The following CNGA1 variants were observed in gnomAD, a reference collection of about 807,000 sequenced individuals.
The protein encoded by CNGA1 is cyclic nucleotide gated channel subunit alpha 1, also known as cyclic nucleotide-gated channel alpha-1.
In CNGA1, 53 loss-of-function variants were observed where a neutral mutation model predicts 69.7. The observed-to-expected ratio is 0.76, with a 90% CI of 0.61 to 0.96. The LOEUF (loss-of-function observed/expected upper bound fraction) is 0.96. CNGA1 is among the 40% of genes least tolerant of loss of function. The probability of loss-of-function intolerance (pLI) is 0.00; values close to 1 mark genes in which losing one functional copy is unlikely to be tolerated. For synonymous variants in CNGA1, 249 were observed against 283.5 expected (o/e 0.88, Z 1.22); for missense variants, 739 against 811.2 (o/e 0.91, Z 1.08).
chr4:47,953,621 C>T lies in CNGA1; in HGVS notation c.-14-918G>A, dbSNP rs573932389. Among the ~76,000 whole-genome samples, 35 of 152,366 alleles carry T rather than the reference C, an allele frequency of 2.3e-4. No individual in the cohort carries two copies. The South Asian group carries it at 7.2e-3, about 32-fold the overall frequency. ...CTCTAGTCAGGACATATTATTTCCTCAGCTCAGGTAGAGGAGGCAGGGTGG... is the reference window on the plus strand; with the variant it reads ...CTCTAGTCAGGACATATTATTTCCTTAGCTCAGGTAGAGGAGGCAGGGTGG... On this transcript the variant is annotated intron_variant, in intron 3 of 10. Transcript: ENST00000514170.
Position 47,937,498 on chromosome 4 carries a change from C to T in CNGA1, c.984G>A (p.Trp328Ter), listed in dbSNP as rs1738744697. The change falls in exon 11 of 11, where the codon TGG becomes TGA. Residue 328 changes from tryptophan to a stop codon, truncating the protein, a stop_gained. Transcript: ENST00000514170. LOFTEE classifies it high-confidence loss of function. The stretch of plus-strand genomic sequence containing the variant: ...CAGGATCATTAATATCAGGGTAGAC[C>T]CATGTATCATTTCCAAATCCAATAG... ...SKAIGFGNDT[W>*]VYPDINDPEF... 1 of 1,614,072 alleles carries T rather than the reference C, an allele frequency of 6.2e-7. No homozygotes were observed. Among genetic ancestry groups the T allele is most frequent in the Non-Finnish European group, 8.5e-7 (1 of 1,180,000 alleles).
intron 2 of CNGA1, among the ~76,000 whole-genome samples, chr4:47,999,908 G>A (rs1714586257): frequency 6.6e-6 from 1 of 151,698 alleles, no homozygotes; most frequent in Non-Finnish European, 1.5e-5. Flanking sequence ...AGCAAACAAG[G>A]ACATTAAAAT....
At chr4:47,940,920 T>C in intron 9 of CNGA1, 51 bp from the exon 10 acceptor site, 1 of 1,166,040 alleles carries the variant, frequency 8.6e-7, no homozygotes, top group Non-Finnish European at 1.3e-6. Context: ...GGGGCCAATT[T>C]AAGTAAAAGT....
intron 3 of CNGA1, among the ~76,000 whole-genome samples, chr4:47,979,283 T>C (rs1447354679): frequency 2.2e-5 from 3 of 138,168 alleles, no homozygotes; most frequent in Admixed American, 8.1e-5. Context: ...ATCGCACCAG[T>C]GCACTTCAGC....
At chr4:48,006,785 C>T (rs1714938801) in intron 2 of CNGA1, among the ~76,000 whole-genome samples, 1 of 152,004 alleles carries the variant, frequency 6.6e-6, no homozygotes, top group Non-Finnish European at 1.5e-5. Context: ...CCATGCCCAG[C>T]TAATTTTTGT....
chr4:47,970,085 T>C (rs1400399116), intron 3 of CNGA1, among the ~76,000 whole-genome samples: 1 of 152,172 alleles, frequency 6.6e-6, no homozygotes, highest in Non-Finnish European at 1.5e-5. Flanking sequence ...AAAGAGACTA[T>C]TTACAAAGAT....
chr4:47,969,052 T>C (rs1233006584), intron 3 of CNGA1, among the ~76,000 whole-genome samples: 2 of 152,138 alleles, frequency 1.3e-5, no homozygotes, highest in African/African-American at 4.8e-5. Flanking sequence ...CATCATCCCA[T>C]GTTTACTTTA....
At chr4:48,007,437 T>C (rs1714972231) in intron 2 of CNGA1, among the ~76,000 whole-genome samples, 1 of 152,194 alleles carries the variant, frequency 6.6e-6, no homozygotes, top group South Asian at 2.1e-4. Flanking sequence ...TTTGAGGCGT[T>C]GAATGGCTTT....
intron 6 of CNGA1, among the ~76,000 whole-genome samples, chr4:47,947,017 C>T (rs1171973171): frequency 2.0e-5 from 3 of 152,138 alleles, no homozygotes; most frequent in African/African-American, 7.2e-5. Flanking sequence ...CGATTCCTGA[C>T]CTTAGGTGGT....
At chr4:47,962,081 C>T (rs1740471980) in intron 3 of CNGA1, among the ~76,000 whole-genome samples, 2 of 152,082 alleles carry the variant, frequency 1.3e-5, no homozygotes, top group South Asian at 2.1e-4. Context: ...CGCGGTGGCT[C>T]GTGCCTGTAA....
At chr4:48,008,830 G>A (rs1715029888) in intron 2 of CNGA1, among the ~76,000 whole-genome samples, 1 of 152,156 alleles carries the variant, frequency 6.6e-6, no homozygotes, top group South Asian at 2.1e-4. Flanking sequence ...TTGAAACAAA[G>A]ACAGTAATAG....
chr4:48,008,021 T>C (rs1474215903), intron 2 of CNGA1, among the ~76,000 whole-genome samples: 1 of 152,224 alleles, frequency 6.6e-6, no homozygotes. Context: ...AAATCTCTTA[T>C]AATTTATTAA....
intron 3 of CNGA1, among the ~76,000 whole-genome samples, chr4:47,954,680 T>C (rs921794152): frequency 4.6e-5 from 7 of 152,230 alleles, no homozygotes; most frequent in African/African-American, 1.4e-4. Context: ...CTTGATCACC[T>C]AGGCGTGGAG....
intron 3 of CNGA1, among the ~76,000 whole-genome samples, chr4:47,962,787 G>A (rs1740524385): frequency 2.0e-5 from 3 of 152,032 alleles, no homozygotes; most frequent in Admixed American, 1.3e-4. Context: ...TAATATTAAA[G>A]TTGTCATAAT....
Position 47,936,636 on chromosome 4 carries a change from G to A in CNGA1, c.1846C>T (p.Pro616Ser), listed in dbSNP as rs370636592. Residue 616 changes from proline (P) to serine (S), a missense_variant, in exon 11 of 11, where the codon CCT (proline) becomes TCT (serine). By Grantham distance (74) the Pro-to-Ser change is moderately conservative (BLOSUM62 -1). Coordinates refer to ENST00000514170, the MANE Select transcript of CNGA1 (RefSeq NM_001379270.1). The part of the protein sequence containing the change: ...DLNIANAGSD[P>S]KDLEEKVTRM... ...GTAACCTTCTCTTCAAGATCTTTAGGATCACTGCCAGCATTTGCAATGTTT... is the reference window on the plus strand; with the variant it reads ...GTAACCTTCTCTTCAAGATCTTTAGAATCACTGCCAGCATTTGCAATGTTT... 6.2e-7 allele frequency: 1 copy of A among 1,613,870 alleles called. No individual in the cohort carries two copies. Among genetic ancestry groups the A allele is most frequent in the African/African-American group, 1.3e-5 (1 of 74,860 alleles).
intron 1 of CNGA1, among the ~76,000 whole-genome samples, chr4:48,014,497 A>AT (rs1287996679): frequency 1.3e-5 from 2 of 152,210 alleles, no homozygotes; most frequent in African/African-American, 2.4e-5. Flanking sequence ...ATAAAGATAC[A>AT]TTTTTTAAAG....
chr4:47,983,764 A>C (rs1741853687), intron 2 of CNGA1, among the ~76,000 whole-genome samples: 1 of 152,206 alleles, frequency 6.6e-6, no homozygotes, highest in Non-Finnish European at 1.5e-5. Context: ...AAGAGAATGA[A>C]CTTAACTTTC....
intron 3 of CNGA1, chr4:47,959,036 C>T (rs1432242269): frequency 6.6e-6 from 1 of 152,060 alleles, no homozygotes; most frequent in Non-Finnish European, 1.5e-5. Context: ...AAATTAACAA[C>T]ATAAAGAAGA....
intron 3 of CNGA1, among the ~76,000 whole-genome samples, chr4:47,959,868 A>G (rs1337688756): frequency 6.6e-6 from 1 of 152,204 alleles, no homozygotes; most frequent in African/African-American, 2.4e-5. Flanking sequence ...GGCCTCCCAA[A>G]GTGCTGGGAT....
Sources: allele counts gnomAD v4.1 joint callset (sites outside exome capture counted in the v4.1 genomes callset), GRCh38; gene constraint gnomAD v4.1.1; transcripts MANE v1.5; gene names NCBI Gene and HGNC (gene_info 2026-07-23, HGNC 2026-07-21).